KANTR: variants seen among roughly 807,000 people sequenced by gnomAD.
KANTR encodes the protein KDM5C adjacent transcript.
intron 2 of KANTR, among the ~76,000 whole-genome samples, chrX:53,101,625 T>G (rs1214953900): frequency 9.0e-6 from 1 of 111,358 alleles, no homozygotes; most frequent in Admixed American, 9.6e-5. Context: ...AGAACATACA[T>G]ATTTGTCAGT....
At chrX:53,099,901 G>A (rs782339117) in intron 2 of KANTR, among the ~76,000 whole-genome samples, 5 of 111,854 alleles carry the variant, frequency 4.5e-5, no homozygotes, top group Middle Eastern at 4.6e-3. Flanking sequence ...TCAACAGTGG[G>A]CTTAAAATAT....
chrX:53,100,664 G>A (rs1556811708), intron 2 of KANTR, among the ~76,000 whole-genome samples: 1 of 109,635 alleles, frequency 9.1e-6, no homozygotes, highest in East Asian at 2.9e-4. Flanking sequence ...TGGGCGTGGT[G>A]GCGGGCACCT....
At chrX:53,109,761 T>TC (rs1324304318) in intron 2 of KANTR, among the ~76,000 whole-genome samples, 1 of 107,409 alleles carries the variant, frequency 9.3e-6, no homozygotes, top group Non-Finnish European at 1.9e-5. Flanking sequence ...TTTCTTTCTT[T>TC]TTTTTTTTTT....
At chrX:53,106,855 C>CAT (rs1167513919) in intron 2 of KANTR, among the ~76,000 whole-genome samples, 1 of 110,303 alleles carries the variant, frequency 9.1e-6, no homozygotes, top group Non-Finnish European at 1.9e-5. Context: ...TAGTGACACC[C>CAT]ATCTGTAGTC....
downstream of KANTR, among the ~76,000 whole-genome samples, chrX:53,145,511 C>A (rs782472347): frequency 1.8e-5 from 2 of 112,155 alleles, no homozygotes; most frequent in East Asian, 5.7e-4. Context: ...GAAGCTCGAA[C>A]TGGGTGGAGC....
At chrX:53,103,297 C>T (rs1932910988) in intron 2 of KANTR, among the ~76,000 whole-genome samples, 1 of 111,078 alleles carries the variant, frequency 9.0e-6, no homozygotes, top group Non-Finnish European at 1.9e-5. Flanking sequence ...CTTGTCAGTA[C>T]CTGTGACTGC....
chrX:53,104,513 C>T (rs782603821), intron 2 of KANTR, among the ~76,000 whole-genome samples: 1 of 110,884 alleles, frequency 9.0e-6, no homozygotes, highest in East Asian at 2.8e-4. Context: ...AGAACATTTT[C>T]ACCCCCCGAC....
chrX:53,106,724 G>T (rs1023620146), intron 2 of KANTR, among the ~76,000 whole-genome samples: 2 of 110,509 alleles, frequency 1.8e-5, no homozygotes, highest in African/African-American at 6.8e-5. Flanking sequence ...TGTGTATAGC[G>T]TGAGAGTAGG....
downstream of KANTR, among the ~76,000 whole-genome samples, chrX:53,129,609 T>C (rs992446170): frequency 9.1e-6 from 1 of 110,331 alleles, no homozygotes; most frequent in African/African-American, 3.3e-5. Context: ...GTCTGGTTTC[T>C]ATTATTACTG....
intron 2 of KANTR, among the ~76,000 whole-genome samples, chrX:53,136,722 A>G (rs1260655160): frequency 2.4e-5 from 1 of 41,071 alleles, no homozygotes; most frequent in Non-Finnish European, 5.0e-5. Context: ...ATATATATAT[A>G]TATATATATT....
downstream of KANTR, among the ~76,000 whole-genome samples, chrX:53,144,522 C>A (rs782282730): frequency 9.0e-6 from 1 of 110,887 alleles, no homozygotes; most frequent in Non-Finnish European, 1.9e-5. Context: ...ATGGTGAAAC[C>A]CCGTCTCTCC....
chrX:53,109,916 G>C (rs1376681679), intron 2 of KANTR, among the ~76,000 whole-genome samples: 1 of 109,947 alleles, frequency 9.1e-6, no homozygotes, highest in African/African-American at 3.3e-5. Context: ...ACCATGCCTG[G>C]CTAAGTTTTA....
At chrX:53,118,551 A>G (rs1474144357) in intron 2 of KANTR, among the ~76,000 whole-genome samples, 2 of 110,884 alleles carry the variant, frequency 1.8e-5, no homozygotes, top group Non-Finnish European at 3.8e-5. Context: ...ACTTGAGCCC[A>G]GGAGTTCGAG....
At chrX:53,111,004 T>C (rs1239869448) in intron 2 of KANTR, among the ~76,000 whole-genome samples, 2 of 109,298 alleles carry the variant, frequency 1.8e-5, no homozygotes, top group East Asian at 5.7e-4. Flanking sequence ...ACTTCTTTAT[T>C]TTATAAATTT....
At chrX:53,143,260 C>G, downstream of KANTR, 1 of 612,109 alleles carries the variant, frequency 1.6e-6, no homozygotes, top group Non-Finnish European at 2.8e-6. Flanking sequence ...TGCTCGAAGT[C>G]CAGGGCGATG....
At chrX:53,136,723 TATATATATTTTG>T (rs1200487654) in intron 2 of KANTR, among the ~76,000 whole-genome samples, 1 of 46,432 alleles carries the variant, frequency 2.2e-5, no homozygotes. Context: ...TATATATATA[TATATATATTTTG>T]TTTGTTTGTT....
intron 2 of KANTR, among the ~76,000 whole-genome samples, chrX:53,110,402 T>C (rs1366725085): frequency 1.8e-5 from 2 of 112,093 alleles, no homozygotes; most frequent in Non-Finnish European, 3.8e-5. Context: ...TATTGACATA[T>C]GGTTTTTGTC....
chrX:53,094,455 G>A (rs1932832232), intron 1 of KANTR, 171 bp downstream of exon 1: 1 of 111,932 alleles, frequency 8.9e-6, no homozygotes, highest in African/African-American at 3.2e-5. Context: ...GTGCTCCTGC[G>A]GCTCCCAGAC....
downstream of KANTR, among the ~76,000 whole-genome samples, chrX:53,132,106 G>A (rs1933366862): frequency 8.9e-6 from 1 of 112,281 alleles, no homozygotes; most frequent in South Asian, 3.7e-4. Flanking sequence ...GAGAGAAAGA[G>A]GAGCCAAATC....
Sources: allele counts gnomAD v4.1 joint callset (sites outside exome capture counted in the v4.1 genomes callset), GRCh38; gene constraint gnomAD v4.1.1; transcripts MANE v1.5; gene names NCBI Gene and HGNC (gene_info 2026-07-23, HGNC 2026-07-21).